Variants in LMNA observed in about 807,000 individuals in gnomAD.
The protein encoded by LMNA is lamin.
In LMNA, 20 loss-of-function variants were observed where a neutral mutation model predicts 70.4. That is an observed-to-expected ratio of 0.28 (90% CI 0.20 to 0.41). LMNA has a LOEUF of 0.41. Among genes scored for constraint, LMNA ranks in the 10% least tolerant of loss-of-function variants. The probability of loss-of-function intolerance (pLI) is 1.00; values close to 1 mark genes in which losing one functional copy is unlikely to be tolerated. For synonymous variants in LMNA, 339 were observed against 372.8 expected (o/e 0.91, Z 1.04); for missense variants, 652 against 917.2 (o/e 0.71, Z 3.73).
At chr1:156,091,224 G>A (rs556312769) in intron 3 of LMNA, 1 of 152,438 alleles carries the variant, frequency 6.6e-6, no homozygotes, top group Admixed American at 6.5e-5. Flanking sequence ...ACTGTTCAGA[G>A]GACAGGCTGA....
At chr1:156,116,922 GT>G (rs1380455681) in intron 1 of LMNA, among the ~76,000 whole-genome samples, 1 of 149,406 alleles carries the variant, frequency 6.7e-6, no homozygotes, top group Non-Finnish European at 1.5e-5. Context: ...AGGCTTAACG[GT>G]TTTTTTTTGA....
upstream of LMNA, among the ~76,000 whole-genome samples, chr1:156,112,492 G>C (rs1649577568): frequency 6.6e-6 from 1 of 152,222 alleles, no homozygotes; most frequent in African/African-American, 2.4e-5. Context: ...GGGGCACTGA[G>C]TGCCAGGGAG....
In LMNA at chr1:156,138,373, AG is replaced by A. The variant is rs1253022511; in HGVS notation, c.1699-114del. On this transcript the variant is annotated intron_variant, in intron 10 of 11. Coordinates refer to ENST00000368300, the MANE Select transcript of LMNA (RefSeq NM_170707.4). The surrounding 1 kb of genome is among the most constrained non-coding windows in gnomAD (Gnocchi z 5.5). ...CATTGCCCGCTGGCTCCTTGGGCAC[AG>A]AACCACACCTTCCTGCCTGGCGGCT... 3.2e-6 allele frequency: 4 copies of A among 1,253,498 alleles called. No homozygotes were observed. Among genetic ancestry groups the A allele is most frequent in the Non-Finnish European group, 4.4e-6 (4 of 903,680 alleles). The allele number at this position is 1,253,498 out of a possible 1,614,324, so 77.6% of individuals were successfully genotyped here.
rs57520892 is a variant in LMNA, at chr1:156,137,204, G to T, written c.1580G>T (p.Arg527Leu). Residue 527 changes from arginine to leucine, a missense_variant, in exon 9 of 12, where the codon CGT (arginine) becomes CTT (leucine). Around this residue, in one of 4 missense-constraint regions of LMNA, gnomAD observed 327 missense variants for 387.6 expected, o/e 0.84. Coordinates refer to ENST00000368300, the MANE Select transcript of LMNA (RefSeq NM_170707.4). This position sits in a 1 kb window ranked among gnomAD's most constrained non-coding sequence, Gnocchi z 4.6. ...ACCTGGGGCTGCGGGAACAGCCTGC[G>T]TACGGCTCTCATCAACTCCACTGGG... Reference protein sequence around the residue: ...QNTWGCGNSLRTALINSTGEE... With the variant: ...QNTWGCGNSLLTALINSTGEE... 1 of 1,598,396 alleles carries T rather than the reference G, an allele frequency of 6.3e-7. No individual in the cohort carries two copies. The highest frequency in any genetic ancestry group is 8.5e-7 in the Non-Finnish European group (1 of 1,173,642).
At position 156,138,530 on chromosome 1, in the gene LMNA, C is replaced by T; in HGVS notation, c.1741C>T (p.Leu581=). 1 of 1,612,664 alleles carries T rather than the reference C, an allele frequency of 6.2e-7. No homozygotes were observed. Among genetic ancestry groups the T allele is most frequent in the Non-Finnish European group, 8.5e-7 (1 of 1,179,820 alleles). Residue 581 remains leucine, a synonymous_variant, in exon 11 of 12, where the codon CTG becomes TTG. Coordinates refer to ENST00000368300, the MANE Select transcript of LMNA (RefSeq NM_170707.4). This position sits in a 1 kb window ranked among gnomAD's most constrained non-coding sequence, Gnocchi z 5.5. Reference sequence around the variant, plus strand: ...CTCGGGGGACCCCGCTGAGTACAACCTGCGCTCGCGCACCGTGCTGTGCGG... The same window carrying T: ...CTCGGGGGACCCCGCTGAGTACAACTTGCGCTCGCGCACCGTGCTGTGCGG... ...SSSGDPAEYN[L]RSRTVLCGTC...
intron 1 of LMNA, among the ~76,000 whole-genome samples, chr1:156,124,532 C>T (rs1461279795): frequency 6.6e-6 from 1 of 152,130 alleles, no homozygotes; most frequent in African/African-American, 2.4e-5. Flanking sequence ...CGTGATCCAC[C>T]CACCTTGGCC....
At chr1:156,088,083 G>A (rs1052978169) in intron 2 of LMNA, among the ~76,000 whole-genome samples, 24 of 151,646 alleles carry the variant, frequency 1.6e-4, no homozygotes, top group Non-Finnish European at 1.8e-4. Context: ...TGTTGGCCAG[G>A]ATGGTCTGTA....
At chr1:156,111,122 GC>G (rs948152286), upstream of LMNA, among the ~76,000 whole-genome samples, 25 of 151,934 alleles carry the variant, frequency 1.6e-4, no homozygotes, top group East Asian at 1.6e-3. Flanking sequence ...ACACAGAGGA[GC>G]CCCCCCACCC....
chr1:156,113,049 C>T (rs536559295), upstream of LMNA, among the ~76,000 whole-genome samples: 23 of 152,034 alleles, frequency 1.5e-4, no homozygotes, highest in East Asian at 5.8e-4. Flanking sequence ...AATCCCAGAA[C>T]TTTGGGAAGC....
chr1:156,090,273 C>A (rs532065755), intron 2 of LMNA, among the ~76,000 whole-genome samples: 1 of 152,284 alleles, frequency 6.6e-6, no homozygotes, highest in East Asian at 1.9e-4. Flanking sequence ...ATGAATAGTT[C>A]ATCAGTTACC....
chr1:156,099,867 CAA>C (rs57524097), intron 3 of LMNA, among the ~76,000 whole-genome samples: 28,229 of 100,178 alleles, frequency 0.28, 3,151 homozygotes, highest in East Asian at 0.65. Flanking sequence ...GCCTGGGTGA[CAA>C]AAAAAAAAAA....
intron 2 of LMNA, among the ~76,000 whole-genome samples, chr1:156,089,300 A>ATTTATTTATTTT (rs1490520762): frequency 1.3e-5 from 2 of 151,166 alleles, no homozygotes; most frequent in Non-Finnish European, 2.9e-5. Context: ...TTATTTATTT[A>ATTTATTTATTTT]TTTATTTATT....
Position 156,134,645 on chromosome 1 carries a change from G to C in LMNA, c.639+117G>C. On this transcript the variant is annotated intron_variant, in intron 3 of 11. Coordinates refer to ENST00000368300, the MANE Select transcript of LMNA (RefSeq NM_170707.4). This position sits in a 1 kb window ranked among gnomAD's most constrained non-coding sequence, Gnocchi z 5.3. Reference sequence around the variant, plus strand: ...CCTTCCTGAGTCCCTTGCCCTAGTGGACAGGGAGTTGGGGGTGGCCAGCAC... The same window carrying C: ...CCTTCCTGAGTCCCTTGCCCTAGTGCACAGGGAGTTGGGGGTGGCCAGCAC... 9 of 1,554,616 alleles carry C rather than the reference G, an allele frequency of 5.8e-6. No individual in the cohort carries two copies. The highest frequency in any genetic ancestry group is 8.0e-6 in the Non-Finnish European group (9 of 1,130,538).
intron 2 of LMNA, among the ~76,000 whole-genome samples, chr1:156,085,918 T>A (rs764024444): frequency 4.6e-5 from 7 of 152,170 alleles, no homozygotes; most frequent in Non-Finnish European, 1.0e-4. Flanking sequence ...TAGCTGGGCA[T>A]GGTGGTGCAC....
rs150840924 is a variant in LMNA at position 156,136,359 on chromosome 1, C to T, written c.1303C>T (p.Arg435Cys). ...CCGCAGCAGCTTCTCACAGCACGCA[C>T]GCACTAGCGGGCGCGTGGCCGTGGA... is the stretch of plus-strand genomic sequence containing the variant. ...ESRSSFSQHA[R>C]TSGRVAVEEV... Residue 435 changes from arginine to cysteine, a missense_variant, in exon 7 of 12, where the codon CGC becomes TGC. Transcript: ENST00000368300. The surrounding 1 kb of genome is among the most constrained non-coding windows in gnomAD (Gnocchi z 6.1). The T allele has an allele frequency of 2.4e-5, 38 of 1,612,100 alleles. No homozygotes were observed. The highest frequency in any genetic ancestry group is 2.9e-5 in the Non-Finnish European group (34 of 1,180,018).
rs531651076 is a variant in LMNA, at chr1:156,129,119, C to T, written c.357-1498C>T. On this transcript the variant is annotated intron_variant, in intron 1 of 11. Transcript: ENST00000368300. ...GAGACAGAGGAGGGAATACATTCTC[C>T]GGTTCTGGAAGGGGCTCTTTTTTGC... 3.9e-5 allele frequency among the ~76,000 whole-genome samples: 6 copies of T among 152,336 alleles called. No individual in the cohort carries two copies. The East Asian group carries it at 9.6e-4, about 24-fold the overall frequency.
chr1:156,086,362 CT>C (rs1396703983), intron 2 of LMNA, among the ~76,000 whole-genome samples: 1 of 151,556 alleles, frequency 6.6e-6, no homozygotes, highest in Non-Finnish European at 1.5e-5. Flanking sequence ...AAAATAATTC[CT>C]GTTAAGCCCT....
Position 156,136,333 on chromosome 1 carries a change from G to C in LMNA, c.1277G>C (p.Ser426Thr). ...TKKRKLESTE[S>T]RSSFSQHART... ...AAGCGCAAACTGGAGTCCACTGAGA[G>C]CCGCAGCAGCTTCTCACAGCACGCA... Residue 426 changes from serine (S) to threonine (T), a missense_variant, in exon 7 of 12, where the codon AGC (serine) becomes ACC (threonine). Transcript: ENST00000368300. The surrounding 1 kb of genome is among the most constrained non-coding windows in gnomAD (Gnocchi z 6.1). 1 of 1,612,294 alleles carries C rather than the reference G, an allele frequency of 6.2e-7. No homozygotes were observed. Among genetic ancestry groups the C allele is most frequent in the Non-Finnish European group, 8.5e-7 (1 of 1,180,046 alleles).
chr1:156,106,963 T>C (rs561738947), intron 3 of LMNA: 1 of 152,310 alleles, frequency 6.6e-6, no homozygotes, highest in African/African-American at 2.4e-5. Context: ...TGGATTGGGT[T>C]CCTTGGGATC....
Sources: gnomAD v4.1 joint callset for allele counts (sites outside exome capture counted in the v4.1 genomes callset) on GRCh38, gnomAD v4.1.1 for gene constraint, gnomAD v4.1.1 regional missense constraint, Gnocchi (gnomAD v3.1) non-coding constraint, MANE v1.5 for transcripts, NCBI Gene and HGNC (gene_info 2026-07-23, HGNC 2026-07-21) for gene names.